Variants in PRKAG2 observed in about 807,000 individuals in gnomAD.
PRKAG2 encodes 5'-AMP-activated protein kinase subunit gamma-2.
A neutral mutation model predicts 69.6 loss-of-function variants in PRKAG2; 26 were observed. That is an observed-to-expected ratio of 0.37 (90% CI 0.27 to 0.52). PRKAG2 has a LOEUF of 0.52. Among genes scored for constraint, PRKAG2 ranks in the 20% least tolerant of loss-of-function variants. The pLI is 0.90. For synonymous variants in PRKAG2, 293 were observed against 285.0 expected (o/e 1.03, Z -0.28); for missense variants, 557 against 740.0 (o/e 0.75, Z 2.87).
chr7:151,633,365 G>C (rs569135762), intron 4 of PRKAG2, among the ~76,000 whole-genome samples: 4 of 152,158 alleles, frequency 2.6e-5, no homozygotes, highest in African/African-American at 7.2e-5. Context: ...CAGGGTGTCT[G>C]CTCTCACTAA....
At chr7:151,721,393 C>CGGGGCCAGGGCT (rs1797079355) in intron 3 of PRKAG2, among the ~76,000 whole-genome samples, 1 of 133,470 alleles carries the variant, frequency 7.5e-6, no homozygotes, top group South Asian at 2.5e-4. Context: ...GGGCCAGGGC[C>CGGGGCCAGGGCT]GGGGCCAGGG....
Position 151,736,813 on chromosome 7 carries a change from G to A in PRKAG2, c.466+44339C>T, listed in dbSNP as rs139433472. ...GTAATTTGAGCTCTGGACTTGCTGA[G>A]AATTGCAGCATGACAGAGCTGGAAG... is the stretch of plus-strand genomic sequence containing the variant. On this transcript the variant is annotated intron_variant, in intron 3 of 15. Coordinates refer to ENST00000287878, the MANE Select transcript of PRKAG2 (RefSeq NM_016203.4). 2.4e-3 allele frequency among the ~76,000 whole-genome samples: 369 copies of A among 152,316 alleles called. 3 individuals carry two copies. Among genetic ancestry groups the A allele is most frequent in the African/African-American group, 8.6e-3 (359 of 41,574 alleles).
chr7:151,872,666 C>A (rs1483949347), intron 1 of PRKAG2, among the ~76,000 whole-genome samples: 1 of 152,246 alleles, frequency 6.6e-6, no homozygotes, highest in African/African-American at 2.4e-5. Flanking sequence ...CCAACTGGAC[C>A]CCTCCTGGGT....
chr7:151,618,110 T>C (rs1217995406), intron 5 of PRKAG2, among the ~76,000 whole-genome samples: 3 of 152,020 alleles, frequency 2.0e-5, no homozygotes, highest in Non-Finnish European at 2.9e-5. Flanking sequence ...TCGCTTGAGC[T>C]CAGGAGTTCA....
intron 1 of PRKAG2, among the ~76,000 whole-genome samples, chr7:151,874,744 T>C (rs2151918002): frequency 6.6e-6 from 1 of 152,232 alleles, no homozygotes; most frequent in South Asian, 2.1e-4. Flanking sequence ...ATAAATTAGA[T>C]GGGTGTGGTG....
intron 1 of PRKAG2, among the ~76,000 whole-genome samples, chr7:151,847,550 C>A (rs909660397): frequency 3.9e-5 from 6 of 152,204 alleles, no homozygotes; most frequent in African/African-American, 1.4e-4. Flanking sequence ...TGAGGCTGTA[C>A]CCCCTGGCCT....
At chr7:151,576,932 G>A (rs1377555735) in intron 6 of PRKAG2, among the ~76,000 whole-genome samples, 1 of 151,952 alleles carries the variant, frequency 6.6e-6, no homozygotes, top group Non-Finnish European at 1.5e-5. Flanking sequence ...ACACCTAAAG[G>A]CATACAGGGA....
intron 14 of PRKAG2, among the ~76,000 whole-genome samples, chr7:151,563,776 C>T (rs1436553335): frequency 6.6e-6 from 1 of 152,184 alleles, no homozygotes; most frequent in Non-Finnish European, 1.5e-5. Flanking sequence ...GAGACAAGGT[C>T]TTATTATGTC....
intron 5 of PRKAG2, among the ~76,000 whole-genome samples, chr7:151,595,757 T>C (rs1197121196): frequency 6.6e-6 from 1 of 152,162 alleles, no homozygotes; most frequent in South Asian, 2.1e-4. Context: ...CCAAAGAATC[T>C]AGAAAAAGTT....
At chr7:151,862,669 T>C (rs991920968) in intron 1 of PRKAG2, among the ~76,000 whole-genome samples, 2 of 152,222 alleles carry the variant, frequency 1.3e-5, no homozygotes, top group Admixed American at 1.3e-4. Flanking sequence ...ACAGGCTGGA[T>C]ACTTCGAAAG....
In PRKAG2 at chr7:151,688,592, C is replaced by T. The variant is rs182001664; in HGVS notation, c.467-12955G>A. Among the ~76,000 whole-genome samples the T allele has an allele frequency of 5.3e-5, 8 of 152,310 alleles. No individual in the cohort carries two copies. The South Asian group carries it at 1.0e-3, about 20-fold the overall frequency. On this transcript the variant is annotated intron_variant, in intron 3 of 15. Coordinates refer to ENST00000287878, the MANE Select transcript of PRKAG2 (RefSeq NM_016203.4). ...CTGTGCTGGCCAGGGAACTCCGCGGCGGGCTCCCCCACTGTGCCCGGGATT... is the reference window on the plus strand; with the variant it reads ...CTGTGCTGGCCAGGGAACTCCGCGGTGGGCTCCCCCACTGTGCCCGGGATT...
intron 3 of PRKAG2, among the ~76,000 whole-genome samples, chr7:151,716,524 A>G (rs1796212722): frequency 6.6e-6 from 1 of 152,196 alleles, no homozygotes; most frequent in Admixed American, 6.5e-5. Context: ...CCAGCCAGCT[A>G]CATACTTGTT....
rs369784479 is a variant in PRKAG2, at chr7:151,807,894, C to T, written c.115-21353G>A. ...GAAAAACCGCTTGGAGAATAAAAGT[C>T]GGGGGAAGCCTGTAGTGGGGACGCT... On this transcript the variant is annotated intron_variant, in intron 1 of 15. Transcript: ENST00000287878. This position sits in a 1 kb window ranked among gnomAD's most constrained non-coding sequence, Gnocchi z 4.4. Among the ~76,000 whole-genome samples, 3 of 152,074 alleles carry T rather than the reference C, an allele frequency of 2.0e-5. No individual in the cohort carries two copies. The highest frequency in any genetic ancestry group is 2.9e-5 in the Non-Finnish European group (2 of 67,992).
intron 3 of PRKAG2, among the ~76,000 whole-genome samples, chr7:151,710,736 C>T (rs528147785): frequency 5.9e-5 from 9 of 152,344 alleles, no homozygotes; most frequent in Admixed American, 1.3e-4. Context: ...CCCAGATACA[C>T]ACATGGAGAT....
chr7:151,863,415 C>A (rs1334541270), intron 1 of PRKAG2, among the ~76,000 whole-genome samples: 2 of 152,112 alleles, frequency 1.3e-5, no homozygotes, highest in Non-Finnish European at 2.9e-5. Flanking sequence ...TCTGAAGGGT[C>A]ATCCCAGTTC....
chr7:151,726,400 ACG>A (rs1491351677), intron 3 of PRKAG2, among the ~76,000 whole-genome samples: 1,422 of 102,580 alleles, frequency 0.014, 16 homozygotes, highest in African/African-American at 0.041. Flanking sequence ...ACACACACAC[ACG>A]CACACACACA....
intron 3 of PRKAG2, among the ~76,000 whole-genome samples, chr7:151,759,639 C>G (rs1215432345): frequency 6.6e-6 from 1 of 152,194 alleles, no homozygotes; most frequent in East Asian, 1.9e-4. Flanking sequence ...TGGAAAAAAC[C>G]CAGGCAGGAA....
intron 5 of PRKAG2, among the ~76,000 whole-genome samples, chr7:151,615,031 T>C (rs1003092188): frequency 1.3e-5 from 2 of 152,016 alleles, no homozygotes; most frequent in African/African-American, 4.8e-5. Context: ...ACAGAAGCCG[T>C]GTGGATCCAG....
At chr7:151,565,989 G>A (rs1806167754) in intron 11 of PRKAG2, 104 bp from the exon 12 acceptor site, 2 of 1,349,880 alleles carry the variant, frequency 1.5e-6, no homozygotes, top group Non-Finnish European at 1.1e-6. Flanking sequence ...ATTAAAGTTA[G>A]TTTTTTCTAA....
Sources: allele counts gnomAD v4.1 joint callset (sites outside exome capture counted in the v4.1 genomes callset), GRCh38; gene constraint gnomAD v4.1.1; non-coding constraint Gnocchi (gnomAD v3.1); transcripts MANE v1.5; gene names NCBI Gene and HGNC (gene_info 2026-07-23, HGNC 2026-07-21).